Variants in CHRM2 observed in about 807,000 individuals in gnomAD.
The protein encoded by CHRM2 is muscarinic acetylcholine receptor M2.
A neutral mutation model predicts 25.0 loss-of-function variants in CHRM2; 8 were observed. The observed-to-expected ratio is 0.32, with a 90% CI of 0.19 to 0.58. CHRM2 has a LOEUF of 0.58. CHRM2 is among the 20% of genes least tolerant of loss of function. The probability of loss-of-function intolerance (pLI) is 0.88; values close to 1 mark genes in which losing one functional copy is unlikely to be tolerated. For missense variants in CHRM2, 440 were observed against 567.1 expected (o/e 0.78, Z 2.28); for synonymous variants, 202 against 205.7 (o/e 0.98, Z 0.15).
chr7:136,996,096 T>C (rs1774001308), intron 3 of CHRM2, among the ~76,000 whole-genome samples: 1 of 151,902 alleles, frequency 6.6e-6, no homozygotes, highest in Non-Finnish European at 1.5e-5. Context: ...TGATAAATGT[T>C]TCTGGAGTGA....
Position 136,917,160 on chromosome 7 carries a change from C to CT in CHRM2, c.-125+47755dup, listed in dbSNP as rs11335309. 7.0e-3 allele frequency among the ~76,000 whole-genome samples: 1,009 copies of CT among 145,158 alleles called. 9 individuals are homozygous for CT. Among genetic ancestry groups the CT allele is most frequent in the African/African-American group, 0.019 (739 of 39,726 alleles). On this transcript the variant is annotated intron_variant, in intron 2 of 3. Coordinates refer to ENST00000680005, the MANE Select transcript of CHRM2 (RefSeq NM_001006630.2). ...ACATTCACTATTTTCAGCTTTCTCA[C>CT]TTTTTTTTTTTTTGCTTTCTTTTAT...
rs145158609 is a variant in CHRM2 at position 137,017,605 on chromosome 7, A to G, written c.*1339A>G. The G allele has an allele frequency of 2.6e-5, 4 of 152,130 alleles. No homozygotes were observed. Among genetic ancestry groups the G allele is most frequent in the Non-Finnish European group, 5.9e-5 (4 of 67,942 alleles). 9.4% of individuals were successfully genotyped at this position (152,130 alleles called of 1,614,324 possible). A position where few individuals can be genotyped will look rare whatever the true frequency, so the allele number is the denominator to read the frequency against. ...TATTACTGAAACAATTACATATTCCATATTCCTCAAATTGTCAATTCTCCC... is the reference window on the plus strand; with the variant it reads ...TATTACTGAAACAATTACATATTCCGTATTCCTCAAATTGTCAATTCTCCC... On this transcript the variant is annotated 3_prime_UTR_variant, in exon 4 of 4. Coordinates refer to ENST00000680005, the MANE Select transcript of CHRM2 (RefSeq NM_001006630.2).
At position 136,911,005 on chromosome 7, in the gene CHRM2, G is replaced by C. The variant is rs531637513; in HGVS notation, c.-125+41587G>C. On this transcript the variant is annotated intron_variant, in intron 2 of 3. Coordinates refer to ENST00000680005, the MANE Select transcript of CHRM2 (RefSeq NM_001006630.2). Reference sequence around the variant, plus strand: ...CATTTCATGTTTTTTGTCACTTACAGAGAAAACTAGCTATTTCTGATCTCT... The same window carrying C: ...CATTTCATGTTTTTTGTCACTTACACAGAAAACTAGCTATTTCTGATCTCT... Among the ~76,000 whole-genome samples the C allele has an allele frequency of 2.0e-4, 31 of 151,904 alleles. No individual in the cohort carries two copies. In the East Asian group the frequency reaches 5.5e-3, roughly 27 times the overall value.
intron 2 of CHRM2, chr7:136,898,751 T>C (rs753818443): frequency 1.3e-5 from 2 of 152,014 alleles, no homozygotes; most frequent in Non-Finnish European, 2.9e-5. Context: ...AAACAAATGA[T>C]GCTATAATGG....
chr7:136,878,136 A>C (rs1796118916), intron 2 of CHRM2, among the ~76,000 whole-genome samples: 1 of 152,000 alleles, frequency 6.6e-6, no homozygotes, highest in Non-Finnish European at 1.5e-5. Context: ...GAAAATAGAA[A>C]GTGATAAGAA....
At chr7:136,906,421 T>C (rs957360039) in intron 2 of CHRM2, among the ~76,000 whole-genome samples, 3 of 151,514 alleles carry the variant, frequency 2.0e-5, no homozygotes, top group Non-Finnish European at 2.9e-5. Context: ...TGTTTGTGTG[T>C]GTATGTGTAT....
At chr7:136,876,583 G>A (rs1343459490) in intron 2 of CHRM2, among the ~76,000 whole-genome samples, 2 of 152,046 alleles carry the variant, frequency 1.3e-5, no homozygotes, top group Non-Finnish European at 2.9e-5. Flanking sequence ...AACTTCATAG[G>A]CTGAGGGCTA....
At chr7:136,896,739 T>C (rs1183724753) in intron 2 of CHRM2, among the ~76,000 whole-genome samples, 1 of 152,074 alleles carries the variant, frequency 6.6e-6, no homozygotes, top group Non-Finnish European at 1.5e-5. Flanking sequence ...ATTAAAGTAG[T>C]TGATCATGAC....
chr7:137,014,717 G>A, intron 3 of CHRM2, 103 bp from the exon 4 acceptor site: 2 of 760,200 alleles, frequency 2.6e-6, no homozygotes, highest in East Asian at 2.7e-5. Flanking sequence ...CAGGGGAAGG[G>A]AGATTTGGGA....
intron 2 of CHRM2, among the ~76,000 whole-genome samples, chr7:136,872,341 G>A (rs754371261): frequency 3.9e-5 from 6 of 152,192 alleles, no homozygotes; most frequent in Non-Finnish European, 5.9e-5. Context: ...GATGTGGAAA[G>A]AACTAGCAGG....
chr7:136,941,506 G>C (rs1294702585), intron 2 of CHRM2, among the ~76,000 whole-genome samples: 1 of 152,180 alleles, frequency 6.6e-6, no homozygotes, highest in Non-Finnish European at 1.5e-5. Context: ...GTGAAGCAAA[G>C]TGCGTTGTCC....
intron 2 of CHRM2, chr7:136,898,800 T>A (rs951976643): frequency 3.9e-5 from 6 of 152,072 alleles, no homozygotes; most frequent in Non-Finnish European, 8.8e-5. Context: ...AAATAAACAC[T>A]ATTTTTTATT....
intron 2 of CHRM2, among the ~76,000 whole-genome samples, chr7:136,915,090 C>T (rs1489067393): frequency 6.6e-6 from 1 of 151,792 alleles, no homozygotes; most frequent in African/African-American, 2.4e-5. Context: ...TAATGAATTA[C>T]AGGCTTCTAC....
At chr7:136,948,058 T>C (rs1481617587) in intron 2 of CHRM2, among the ~76,000 whole-genome samples, 1 of 152,136 alleles carries the variant, frequency 6.6e-6, no homozygotes, top group African/African-American at 2.4e-5. Flanking sequence ...GGGGATTGTA[T>C]GCAGCAGTAG....
rs1350903953 is a variant in CHRM2, at chr7:137,019,254, T to C, written c.*2988T>C. ...AAAGGTAATACTCACCAACCATGTATCAGAAAAACTTTTCTCCTGAGTCTG... is the reference window on the plus strand; with the variant it reads ...AAAGGTAATACTCACCAACCATGTACCAGAAAAACTTTTCTCCTGAGTCTG... On this transcript the variant is annotated 3_prime_UTR_variant, in exon 4 of 4. Coordinates refer to ENST00000680005, the MANE Select transcript of CHRM2 (RefSeq NM_001006630.2). 1 of 151,892 alleles carries C rather than the reference T, an allele frequency of 6.6e-6. No individual in the cohort carries two copies. The highest frequency in any genetic ancestry group is 2.4e-5 in the African/African-American group (1 of 41,402). 9.4% of individuals were successfully genotyped at this position (151,892 alleles called of 1,614,324 possible). A position where few individuals can be genotyped will look rare whatever the true frequency, so the allele number is the denominator to read the frequency against.
chr7:136,880,059 T>TC (rs953647813), intron 2 of CHRM2, among the ~76,000 whole-genome samples: 2 of 151,448 alleles, frequency 1.3e-5, no homozygotes, highest in African/African-American at 2.4e-5. Flanking sequence ...TTTTTTTTTT[T>TC]CCACTTCCAT....
chr7:137,005,894 C>A (rs1439933604), intron 3 of CHRM2, among the ~76,000 whole-genome samples: 1 of 152,104 alleles, frequency 6.6e-6, no homozygotes, highest in Non-Finnish European at 1.5e-5. Context: ...GCCGACTATA[C>A]AAATTTCCAG....
intron 2 of CHRM2, among the ~76,000 whole-genome samples, chr7:136,925,737 T>G (rs1798710124): frequency 6.6e-6 from 1 of 152,220 alleles, no homozygotes; most frequent in South Asian, 2.1e-4. Context: ...TGACTCACTT[T>G]CAAGTCTCCT....
intron 2 of CHRM2, among the ~76,000 whole-genome samples, chr7:136,941,660 T>C (rs1257419478): frequency 6.6e-6 from 1 of 152,234 alleles, no homozygotes; most frequent in Non-Finnish European, 1.5e-5. Context: ...GAAACACATA[T>C]ATGTAACTAC....
Sources: allele counts gnomAD v4.1 joint callset (sites outside exome capture counted in the v4.1 genomes callset), GRCh38; gene constraint gnomAD v4.1.1; transcripts MANE v1.5; gene names NCBI Gene and HGNC (gene_info 2026-07-23, HGNC 2026-07-21).